The following SLC24A4 variants were observed in gnomAD, a reference collection of about 807,000 sequenced individuals.
The protein encoded by SLC24A4 is sodium/potassium/calcium exchanger 4.
A neutral mutation model predicts 79.0 loss-of-function variants in SLC24A4; 53 were observed. The observed-to-expected ratio is 0.67, with a 90% CI of 0.54 to 0.84. SLC24A4 has a LOEUF of 0.84. Among genes scored for constraint, SLC24A4 ranks in the 40% least tolerant of loss-of-function variants. The probability of loss-of-function intolerance (pLI) is 0.00; values close to 1 mark genes in which losing one functional copy is unlikely to be tolerated. For missense variants in SLC24A4, 731 were observed against 822.0 expected (o/e 0.89, Z 1.35); for synonymous variants, 323 against 323.8 (o/e 1.00, Z 0.03).
At chr14:92,393,453 T>A (rs1889596063) in intron 2 of SLC24A4, among the ~76,000 whole-genome samples, 1 of 151,744 alleles carries the variant, frequency 6.6e-6, no homozygotes, top group African/African-American at 2.4e-5. Context: ...GCAGGGGAGC[T>A]GGCTGTGAGT....
intron 2 of SLC24A4, among the ~76,000 whole-genome samples, chr14:92,390,116 C>A (rs752197601): frequency 6.6e-5 from 9 of 136,300 alleles, no homozygotes; most frequent in Admixed American, 4.7e-4. Context: ...CCCCTGGGCC[C>A]GGCTTCCCAG....
intron 16 of SLC24A4, among the ~76,000 whole-genome samples, 197 bp downstream of exon 16, chr14:92,492,437 G>T (rs1284327404): frequency 1.3e-5 from 2 of 152,190 alleles, no homozygotes; most frequent in African/African-American, 4.8e-5. Flanking sequence ...CTGTGCTTTT[G>T]CTGAGTACAT....
intron 2 of SLC24A4, among the ~76,000 whole-genome samples, chr14:92,371,258 C>G (rs952571048): frequency 6.6e-6 from 1 of 152,152 alleles, no homozygotes; most frequent in Non-Finnish European, 1.5e-5. Flanking sequence ...CCAATAAAAA[C>G]AGTGGGCCTT....
At chr14:92,463,895 C>T (rs545635649) in intron 12 of SLC24A4, among the ~76,000 whole-genome samples, 6 of 152,274 alleles carry the variant, frequency 3.9e-5, no homozygotes, top group East Asian at 3.9e-4. Context: ...AAGAGGATCA[C>T]GCAATTTGTG....
chr14:92,410,601 G>A lies in SLC24A4; in HGVS notation c.242-23311G>A, dbSNP rs185922831. ...AGCAAACCTGTACTGAGCCCTCACT[G>A]TGTGCCAGGCCCTCTCCCACACCCT... On this transcript the variant is annotated intron_variant, in intron 2 of 16. Transcript: ENST00000532405. Among the ~76,000 whole-genome samples, 255 of 152,310 alleles carry A rather than the reference G, an allele frequency of 1.7e-3. 4 individuals are homozygous for A. The highest frequency in any genetic ancestry group is 0.014 in the Admixed American group (208 of 15,290).
chr14:92,380,900 G>A (rs1024474619), intron 2 of SLC24A4, among the ~76,000 whole-genome samples: 2 of 152,190 alleles, frequency 1.3e-5, no homozygotes, highest in African/African-American at 2.4e-5. Flanking sequence ...GTGAGTCCCA[G>A]TGGCATCTTG....
intron 2 of SLC24A4, among the ~76,000 whole-genome samples, chr14:92,356,698 C>A (rs1887200942): frequency 6.6e-6 from 1 of 152,222 alleles, no homozygotes; most frequent in Non-Finnish European, 1.5e-5. Flanking sequence ...TGGTATAGAC[C>A]TTGTCTTTCT....
At chr14:92,479,447 G>A (rs1358451263) in intron 12 of SLC24A4, among the ~76,000 whole-genome samples, 4 of 152,074 alleles carry the variant, frequency 2.6e-5, no homozygotes, top group East Asian at 3.8e-4. Flanking sequence ...TGTCTTTTCC[G>A]TGGCAGTTTA....
At chr14:92,463,125 T>C (rs1893907774) in intron 12 of SLC24A4, among the ~76,000 whole-genome samples, 2 of 152,158 alleles carry the variant, frequency 1.3e-5, no homozygotes, top group South Asian at 4.1e-4. Flanking sequence ...TTCTCTTCTG[T>C]TATTATAGCA....
intron 2 of SLC24A4, among the ~76,000 whole-genome samples, chr14:92,356,600 C>T (rs1239560834): frequency 1.3e-5 from 2 of 152,120 alleles, no homozygotes; most frequent in Non-Finnish European, 2.9e-5. Context: ...ATGACAATGC[C>T]TAGGTTGTTG....
intron 2 of SLC24A4, among the ~76,000 whole-genome samples, chr14:92,427,588 CAA>C (rs1022139164): frequency 6.6e-6 from 1 of 152,176 alleles, no homozygotes; most frequent in Non-Finnish European, 1.5e-5. Flanking sequence ...CAGAGGGACT[CAA>C]GAGCAGATCA....
At chr14:92,396,092 G>A (rs1489463643) in intron 2 of SLC24A4, among the ~76,000 whole-genome samples, 1 of 152,220 alleles carries the variant, frequency 6.6e-6, no homozygotes, top group African/African-American at 2.4e-5. Context: ...CCAGAATGCT[G>A]GGATTATAGG....
At chr14:92,468,807 A>G (rs1894263515) in intron 12 of SLC24A4, among the ~76,000 whole-genome samples, 1 of 152,234 alleles carries the variant, frequency 6.6e-6, no homozygotes, top group South Asian at 2.1e-4. Flanking sequence ...TCTTAGAGGA[A>G]AACATAGGTA....
Position 92,379,862 on chromosome 14 carries a change from G to T in SLC24A4, c.241+53884G>T, listed in dbSNP as rs1322089415. Reference sequence around the variant, plus strand: ...ACCCATACTTCCTACCACGCCTGGGGCTGAAGAGTCTTCCCCAGACTCTCC... The same window carrying T: ...ACCCATACTTCCTACCACGCCTGGGTCTGAAGAGTCTTCCCCAGACTCTCC... On this transcript the variant is annotated intron_variant, in intron 2 of 16. Coordinates refer to ENST00000532405, the MANE Select transcript of SLC24A4 (RefSeq NM_153646.4). Among the ~76,000 whole-genome samples, 4 of 152,130 alleles carry T rather than the reference G, an allele frequency of 2.6e-5. No individual in the cohort carries two copies. The East Asian group carries it at 7.7e-4, about 29-fold the overall frequency.
At chr14:92,350,507 G>A (rs568319903) in intron 2 of SLC24A4, among the ~76,000 whole-genome samples, 1 of 152,192 alleles carries the variant, frequency 6.6e-6, no homozygotes, top group East Asian at 1.9e-4. Context: ...TCAGGCCTTG[G>A]GTACCATCCC....
intron 2 of SLC24A4, among the ~76,000 whole-genome samples, chr14:92,406,554 G>T (rs1890390932): frequency 6.6e-6 from 1 of 152,168 alleles, no homozygotes; most frequent in Admixed American, 6.5e-5. Flanking sequence ...TCTAGCGGAG[G>T]CTCCAAAATC....
At chr14:92,445,463 T>A in intron 8 of SLC24A4, 121 bp downstream of exon 8, 1 of 1,100,332 alleles carries the variant, frequency 9.1e-7, no homozygotes, top group Non-Finnish European at 1.3e-6. Flanking sequence ...TATTAACTTG[T>A]GAAAGTGAAA....
intron 10 of SLC24A4, among the ~76,000 whole-genome samples, chr14:92,449,689 G>T (rs577690168): frequency 2.6e-5 from 4 of 152,320 alleles, no homozygotes; most frequent in African/African-American, 9.6e-5. Flanking sequence ...GGGTTCTCGG[G>T]CTGGGAACTG....
rs1323733644 is a variant in SLC24A4 at position 92,492,192 on chromosome 14, G to T, written c.1668G>T (p.Arg556=). 6.2e-7 allele frequency: 1 copy of T among 1,614,104 alleles called. No homozygotes were observed. Among genetic ancestry groups the T allele is most frequent in the South Asian group, 1.1e-5 (1 of 91,080 alleles). The change falls in exon 16 of 17, where the codon CGG becomes CGT. Residue 556 remains arginine (R), a synonymous_variant. Coordinates refer to ENST00000532405, the MANE Select transcript of SLC24A4 (RefSeq NM_153646.4). ...NYGSTVKINS[R]GLVYSVVLLL... is the part of the protein sequence containing the mutation. ...TTTTCCAGGTGAAGATCAACAGCCG[G>T]GGGCTGGTCTATTCCGTGGTCCTGT...
Sources: gnomAD v4.1 joint callset for allele counts (sites outside exome capture counted in the v4.1 genomes callset) on GRCh38, gnomAD v4.1.1 for gene constraint, MANE v1.5 for transcripts, NCBI Gene and HGNC (gene_info 2026-07-23, HGNC 2026-07-21) for gene names.